PCBP3: variants seen among roughly 807,000 people sequenced by gnomAD.
PCBP3 encodes poly(rC)-binding protein 3.
A neutral mutation model predicts 52.7 loss-of-function variants in PCBP3; 25 were observed. The ratio of observed to expected loss-of-function variants is 0.47; its 90% CI spans 0.35 to 0.66. The LOEUF is 0.66. PCBP3 is among the 30% of genes least tolerant of loss of function. The probability of loss-of-function intolerance (pLI) is 0.01; values close to 1 mark genes in which losing one functional copy is unlikely to be tolerated. For synonymous variants in PCBP3, 162 were observed against 183.0 expected (o/e 0.89, Z 0.93); for missense variants, 391 against 490.3 (o/e 0.80, Z 1.91).
intron 6 of PCBP3, among the ~76,000 whole-genome samples, chr21:45,898,546 C>A (rs1160307070): frequency 1.0e-5 from 1 of 98,106 alleles, no homozygotes; most frequent in Non-Finnish European, 2.4e-5. Flanking sequence ...TACACACTGT[C>A]CTCCCAGCCT....
In PCBP3 at chr21:45,767,325, C is replaced by T. The variant is rs117628174; in HGVS notation, c.-126+11873C>T. 2.3e-4 allele frequency among the ~76,000 whole-genome samples: 35 copies of T among 152,370 alleles called. 1 individual carries two copies. In the East Asian group the frequency reaches 6.7e-3, roughly 29 times the overall value. On this transcript the variant is annotated intron_variant, in intron 4 of 17. Transcript: ENST00000681687. ...ACCACACAGCGTCTGGCTTCTTTCA[C>T]TTGCATCCTGTTTTTGAGGTTTATC...
At chr21:45,930,073 C>A in intron 14 of PCBP3, 78 bp downstream of exon 14, 1 of 1,040,564 alleles carries the variant, frequency 9.6e-7, no homozygotes, top group Non-Finnish European at 1.5e-6. Flanking sequence ...TTATTCGGTG[C>A]AGTGCATAGA....
chr21:45,826,484 G>A (rs1398443098), intron 4 of PCBP3, among the ~76,000 whole-genome samples: 3 of 152,204 alleles, frequency 2.0e-5, no homozygotes, highest in Non-Finnish European at 1.5e-5. Context: ...AATTCTAGGT[G>A]TGTGAAGTAC....
chr21:45,892,623 T>G (rs950233063), intron 5 of PCBP3, among the ~76,000 whole-genome samples: 2 of 152,134 alleles, frequency 1.3e-5, no homozygotes, highest in Non-Finnish European at 2.9e-5. Context: ...CCACAGGGCC[T>G]TGGATGAGTC....
At position 45,736,161 on chromosome 21, in the gene PCBP3, T is replaced by C. The variant is rs1016272191; in HGVS notation, c.-162+732T>C. On this transcript the variant is annotated intron_variant, in intron 3 of 17. Transcript: ENST00000681687. This position sits in a 1 kb window ranked among gnomAD's most constrained non-coding sequence, Gnocchi z 4.6. ...ATGGCTGCTGATGCTGATGAAGTAG[T>C]ACCAGCCAGCCTGATTTCATAACTT... Among the ~76,000 whole-genome samples, 1 of 152,256 alleles carries C rather than the reference T, an allele frequency of 6.6e-6. No homozygotes were observed. Among genetic ancestry groups the C allele is most frequent in the Non-Finnish European group, 1.5e-5 (1 of 68,038 alleles).
intron 2 of PCBP3, among the ~76,000 whole-genome samples, chr21:45,699,894 C>T (rs1428091370): frequency 6.6e-6 from 1 of 152,210 alleles, no homozygotes; most frequent in African/African-American, 2.4e-5. Flanking sequence ...GGTGGGGACA[C>T]AGCCAAACCA....
rs74454574 is a variant in PCBP3 at position 45,923,952 on chromosome 21, C to T, written c.718-5965C>T. Among the ~76,000 whole-genome samples, 10 of 47,318 alleles carry T rather than the reference C, an allele frequency of 2.1e-4. 1 individual carries two copies. Among genetic ancestry groups the T allele is most frequent in the African/African-American group, 8.7e-4 (4 of 4,586 alleles). 31.0% of individuals were successfully genotyped at this position (47,318 alleles called of 152,430 possible). On this transcript the variant is annotated intron_variant, in intron 13 of 17. Transcript: ENST00000681687. ...CAGCACACGTAAGATCAGGTGTGCA[C>T]GAGGAGATGCGAACACCGGGAACAG...
At chr21:45,794,436 C>A (rs1267988314) in intron 4 of PCBP3, among the ~76,000 whole-genome samples, 1 of 152,094 alleles carries the variant, frequency 6.6e-6, no homozygotes, top group African/African-American at 2.4e-5. Context: ...TAAATAGGAG[C>A]TCCCTGAGGA....
intron 3 of PCBP3, among the ~76,000 whole-genome samples, chr21:45,742,234 T>C (rs1224661494): frequency 6.6e-6 from 1 of 152,160 alleles, no homozygotes; most frequent in Non-Finnish European, 1.5e-5. Flanking sequence ...TCAGAGGACA[T>C]GGACATTTAA....
At chr21:45,822,885 A>G (rs1413940712) in intron 4 of PCBP3, among the ~76,000 whole-genome samples, 7 of 152,104 alleles carry the variant, frequency 4.6e-5, no homozygotes, top group South Asian at 2.1e-4. Context: ...GGAAGGGGCT[A>G]TGAGTTTGAG....
At chr21:45,823,522 C>T (rs995644074) in intron 4 of PCBP3, among the ~76,000 whole-genome samples, 1 of 152,126 alleles carries the variant, frequency 6.6e-6, no homozygotes, top group Non-Finnish European at 1.5e-5. Context: ...CGTGTCCGTT[C>T]TTCTGAGAGT....
chr21:45,875,295 G>C (rs923056367), intron 5 of PCBP3, among the ~76,000 whole-genome samples: 1 of 152,136 alleles, frequency 6.6e-6, no homozygotes, highest in East Asian at 1.9e-4. Flanking sequence ...TCCGTGCTGC[G>C]TGCTGCGGCT....
chr21:45,794,681 G>C (rs2091822612), intron 4 of PCBP3, among the ~76,000 whole-genome samples: 1 of 152,244 alleles, frequency 6.6e-6, no homozygotes, highest in Non-Finnish European at 1.5e-5. Context: ...TGTAATCCCA[G>C]CACTTTGGGA....
intron 4 of PCBP3, among the ~76,000 whole-genome samples, chr21:45,784,356 C>G (rs2090887884): frequency 6.9e-6 from 1 of 145,420 alleles, no homozygotes; most frequent in Non-Finnish European, 1.5e-5. Flanking sequence ...ACCTCTACCT[C>G]TACCTCTACC....
At chr21:45,680,177 G>A (rs2081749312) in intron 2 of PCBP3, among the ~76,000 whole-genome samples, 1 of 152,082 alleles carries the variant, frequency 6.6e-6, no homozygotes, top group Admixed American at 6.5e-5. Flanking sequence ...ATTTGCTCTT[G>A]TAAAAAATGT....
chr21:45,821,450 T>G lies in PCBP3; in HGVS notation c.-125-28511T>G, dbSNP rs1312459637. Among the ~76,000 whole-genome samples, 2 of 79,770 alleles carry G rather than the reference T, an allele frequency of 2.5e-5. No individual in the cohort carries two copies. Among genetic ancestry groups the G allele is most frequent in the Non-Finnish European group, 4.9e-5 (2 of 41,040 alleles). 52.3% of individuals were successfully genotyped at this position (79,770 alleles called of 152,430 possible). ...TGCACCGTGCTGTGGGCCCCGCACCTTCCCCCAACTCTTTTCTAGAACACT... is the reference window on the plus strand; with the variant it reads ...TGCACCGTGCTGTGGGCCCCGCACCGTCCCCCAACTCTTTTCTAGAACACT... On this transcript the variant is annotated intron_variant, in intron 4 of 17. Transcript: ENST00000681687. This position sits in a 1 kb window ranked among gnomAD's most constrained non-coding sequence, Gnocchi z 4.4.
chr21:45,787,465 C>G (rs772012328), intron 4 of PCBP3, among the ~76,000 whole-genome samples: 10 of 151,768 alleles, frequency 6.6e-5, no homozygotes, highest in Non-Finnish European at 1.3e-4. Context: ...CCATGCTGGT[C>G]TCAAACTCCA....
In PCBP3 at chr21:45,926,262, T is replaced by G. The variant is rs1372643830; in HGVS notation, c.718-3655T>G. 2.0e-5 allele frequency among the ~76,000 whole-genome samples: 3 copies of G among 152,174 alleles called. No homozygotes were observed. In the East Asian group the frequency reaches 5.8e-4, roughly 29 times the overall value. On this transcript the variant is annotated intron_variant, in intron 13 of 17. Coordinates refer to ENST00000681687, the MANE Select transcript of PCBP3 (RefSeq NM_001384156.1). ...ACGTTACCCCCACGTGTGCTGCTGG[T>G]GCAAACCCACTGCACTGCCAGCCGT... is the stretch of plus-strand genomic sequence containing the variant.
chr21:45,892,879 C>T (rs1218844261), intron 5 of PCBP3, among the ~76,000 whole-genome samples: 2 of 152,186 alleles, frequency 1.3e-5, no homozygotes, highest in Non-Finnish European at 2.9e-5. Context: ...ACCCTCTCTA[C>T]TTCCATGGCT....
Sources: gnomAD v4.1 joint callset for allele counts (sites outside exome capture counted in the v4.1 genomes callset) on GRCh38, gnomAD v4.1.1 for gene constraint, Gnocchi (gnomAD v3.1) non-coding constraint, MANE v1.5 for transcripts, NCBI Gene and HGNC (gene_info 2026-07-23, HGNC 2026-07-21) for gene names.